The following ZNF423 variants were observed in gnomAD, a reference collection of about 807,000 sequenced individuals.
ZNF423 encodes the protein zinc finger protein 423, also known as Ebf-associated zinc finger protein.
In ZNF423, 12 loss-of-function variants were observed where a neutral mutation model predicts 95.8. The ratio of observed to expected loss-of-function variants is 0.13; its 90% CI spans 0.08 to 0.20. The LOEUF is 0.20. Ranked by LOEUF, ZNF423 falls within the 10% of genes least tolerant of loss-of-function variation. The probability of loss-of-function intolerance (pLI) is 1.00; values close to 1 mark genes in which losing one functional copy is unlikely to be tolerated. For missense variants in ZNF423, 1,316 were observed against 1,737.1 expected, an observed-to-expected ratio of 0.76 and a Z score of 4.31; for synonymous variants, 749 against 711.9, an observed-to-expected ratio of 1.05 and a Z score of -0.83.
intron 1 of ZNF423, among the ~76,000 whole-genome samples, chr16:49,837,343 A>G (rs75367350): frequency 0.065 from 9,855 of 152,184 alleles, 398 homozygotes; most frequent in Middle Eastern, 0.14. Flanking sequence ...TCAACTGGCA[A>G]ATGAAGAGGG....
chr16:49,516,686 A>G (rs974313556), intron 7 of ZNF423, among the ~76,000 whole-genome samples: 1 of 152,188 alleles, frequency 6.6e-6, no homozygotes, highest in African/African-American at 2.4e-5. Context: ...TTTCCCGCAT[A>G]CTGCAAATGC....
At chr16:49,544,096 C>T (rs1478482233) in intron 5 of ZNF423, among the ~76,000 whole-genome samples, 2 of 152,228 alleles carry the variant, frequency 1.3e-5, no homozygotes, top group African/African-American at 2.4e-5. Flanking sequence ...ATCCATCCAC[C>T]TATCTGTTTA....
chr16:49,798,976 T>C (rs1164099324), intron 1 of ZNF423, among the ~76,000 whole-genome samples: 1 of 152,164 alleles, frequency 6.6e-6, no homozygotes, highest in Non-Finnish European at 1.5e-5. Flanking sequence ...ACAGGAAAAG[T>C]GACCCTTGCA....
rs376703040 is a variant in ZNF423 at position 49,634,289 on chromosome 16, G to C, written c.3516+1371C>G. On this transcript the variant is annotated intron_variant, in intron 4 of 7. Transcript: ENST00000563137. ...AATGGTGTGATCATAGCTAACTGCA[G>C]CCTTGATCTTCCAAACTCAAAAAGT... Among the ~76,000 whole-genome samples the C allele has an allele frequency of 7.3e-5, 11 of 150,530 alleles. No homozygotes were observed. The East Asian group carries it at 2.2e-3, about 30-fold the overall frequency.
intron 5 of ZNF423, among the ~76,000 whole-genome samples, chr16:49,551,511 C>T (rs1434741730): frequency 6.6e-6 from 1 of 152,150 alleles, no homozygotes; most frequent in Non-Finnish European, 1.5e-5. Flanking sequence ...TCAGTGAGAA[C>T]CTATTCAGTG....
intron 3 of ZNF423, among the ~76,000 whole-genome samples, chr16:49,665,024 G>C (rs1217293722): frequency 6.6e-6 from 1 of 152,142 alleles, no homozygotes; most frequent in African/African-American, 2.4e-5. Flanking sequence ...GCTCAGCCTT[G>C]GTCAGGTTAT....
At chr16:49,823,025 C>T (rs2034963964) in intron 1 of ZNF423, among the ~76,000 whole-genome samples, 2 of 152,220 alleles carry the variant, frequency 1.3e-5, no homozygotes, top group Admixed American at 6.5e-5. Context: ...CTCACCTTCT[C>T]TTCAGACCAC....
chr16:49,731,751 G>A (rs937083658), intron 2 of ZNF423, among the ~76,000 whole-genome samples: 24 of 152,042 alleles, frequency 1.6e-4, no homozygotes, highest in East Asian at 3.9e-4. Flanking sequence ...TCGAGGTTAC[G>A]GGGAACTATG....
At chr16:49,537,567 T>C (rs915816400) in intron 5 of ZNF423, among the ~76,000 whole-genome samples, 1 of 152,218 alleles carries the variant, frequency 6.6e-6, no homozygotes, top group Non-Finnish European at 1.5e-5. Flanking sequence ...AATACCAGTA[T>C]TGGGTCTACT....
chr16:49,635,614 C>T lies in ZNF423; in HGVS notation c.3516+46G>A. The T allele has an allele frequency of 6.6e-7, 1 of 1,509,864 alleles. No individual in the cohort carries two copies. Among genetic ancestry groups the T allele is most frequent in the African/African-American group, 1.4e-5 (1 of 71,472 alleles). The allele number at this position is 1,509,864 out of a possible 1,614,324, so 93.5% of individuals were successfully genotyped here. A position where few individuals can be genotyped will look rare whatever the true frequency, so the allele number is the denominator to read the frequency against. ...GTGGCTCCTGTGGGGACCAGAGGAG[C>T]CCCAAGGAGAGGAGCAGGGAGCAGG... On this transcript the variant is annotated intron_variant, in intron 4 of 7. Transcript: ENST00000563137. The surrounding 1 kb of genome is among the most constrained non-coding windows in gnomAD (Gnocchi z 4.8).
chr16:49,750,819 G>A (rs180873608), intron 2 of ZNF423, among the ~76,000 whole-genome samples: 10 of 152,328 alleles, frequency 6.6e-5, no homozygotes, highest in South Asian at 2.1e-4. Flanking sequence ...GAGTGGTGAG[G>A]GAGGGAGAGC....
At chr16:49,646,862 A>T (rs1482491092) in intron 3 of ZNF423, among the ~76,000 whole-genome samples, 1 of 152,070 alleles carries the variant, frequency 6.6e-6, no homozygotes, top group Non-Finnish European at 1.5e-5. Flanking sequence ...GTGAGCCACC[A>T]CGCCCAGCTG....
intron 2 of ZNF423, among the ~76,000 whole-genome samples, chr16:49,735,459 C>T (rs966084022): frequency 6.6e-6 from 1 of 152,206 alleles, no homozygotes; most frequent in African/African-American, 2.4e-5. Context: ...ACTGCCACAG[C>T]AATATCTCCC....
At chr16:49,655,360 C>G (rs1596800423) in intron 3 of ZNF423, among the ~76,000 whole-genome samples, 1 of 152,184 alleles carries the variant, frequency 6.6e-6, no homozygotes, top group Non-Finnish European at 1.5e-5. Flanking sequence ...TTCTAGACCT[C>G]CCATAACTCC....
At chr16:49,849,195 G>A (rs2035276305) in intron 1 of ZNF423, among the ~76,000 whole-genome samples, 1 of 152,110 alleles carries the variant, frequency 6.6e-6, no homozygotes, top group Non-Finnish European at 1.5e-5. Flanking sequence ...AAGGACAGAT[G>A]ACATGATTTT....
intron 7 of ZNF423, among the ~76,000 whole-genome samples, chr16:49,494,049 C>G (rs1967067247): frequency 6.6e-6 from 1 of 152,210 alleles, no homozygotes; most frequent in African/African-American, 2.4e-5. Flanking sequence ...CAGCCTGTTG[C>G]CAGGATGCCA....
At chr16:49,554,112 T>C (rs544324555) in intron 5 of ZNF423, among the ~76,000 whole-genome samples, 72 of 152,286 alleles carry the variant, frequency 4.7e-4, no homozygotes, top group Non-Finnish European at 7.9e-4. Flanking sequence ...TAGAACAGGA[T>C]GCATCCATGC....
chr16:49,617,630 C>T (rs1971922373), intron 5 of ZNF423, among the ~76,000 whole-genome samples: 2 of 152,144 alleles, frequency 1.3e-5, no homozygotes, highest in South Asian at 4.1e-4. Flanking sequence ...ATCTCTCTCC[C>T]GAACCTAGAA....
At chr16:49,692,760 T>G (rs1409330017) in intron 3 of ZNF423, among the ~76,000 whole-genome samples, 2 of 152,256 alleles carry the variant, frequency 1.3e-5, no homozygotes, top group Non-Finnish European at 2.9e-5. Flanking sequence ...GTTTTTAACA[T>G]ATGCCCACAT....
Sources: gnomAD v4.1 joint callset for allele counts (sites outside exome capture counted in the v4.1 genomes callset) on GRCh38, gnomAD v4.1.1 for gene constraint, Gnocchi (gnomAD v3.1) non-coding constraint, MANE v1.5 for transcripts, NCBI Gene and HGNC (gene_info 2026-07-23, HGNC 2026-07-21) for gene names.